The following CCDC171 variants were observed in gnomAD, a reference collection of about 807,000 sequenced individuals.
CCDC171 encodes the protein coiled-coil domain-containing protein 171.
CCDC171 carries 177 observed loss-of-function variants against 168.2 expected under a neutral mutation model. That is an observed-to-expected ratio of 1.05 (90% CI 0.93 to 1.19). The LOEUF is 1.19. Among genes scored for constraint, CCDC171 ranks in the 50% most tolerant of loss-of-function variants. The pLI, the probability that CCDC171 is intolerant of heterozygous loss-of-function variation, is 0.00. For missense variants in CCDC171, 1,991 were observed against 1,539.0 expected, an observed-to-expected ratio of 1.29 and a Z score of -4.91; for synonymous variants, 687 against 540.8, an observed-to-expected ratio of 1.27 and a Z score of -3.75.
chr9:15,754,596 G>T (rs2055978924), intron 18 of CCDC171, among the ~76,000 whole-genome samples: 1 of 152,074 alleles, frequency 6.6e-6, no homozygotes, highest in Non-Finnish European at 1.5e-5. Flanking sequence ...AAATTGCTAA[G>T]CTGCTCTACA....
At chr9:15,879,092 C>G (rs1818249785) in intron 24 of CCDC171, among the ~76,000 whole-genome samples, 1 of 152,088 alleles carries the variant, frequency 6.6e-6, no homozygotes, top group Non-Finnish European at 1.5e-5. Context: ...TATAACAAGC[C>G]TGCATATTTA....
Position 15,999,245 on chromosome 9 carries a change from AAAG to A in CCDC171, n.369-21341_369-21339del, listed in dbSNP as rs201789316. Among the ~76,000 whole-genome samples, 589 of 151,342 alleles carry A rather than the reference AAAG, an allele frequency of 3.9e-3. 14 individuals carry two copies. The highest frequency in any genetic ancestry group is 0.034 in the Admixed American group (523 of 15,182). On this transcript the variant is annotated intron_variant and non_coding_transcript_variant, in intron 3 of 9. Coordinates refer to the CCDC171 transcript ENST00000486641. ...GAAAAGAGGAAGAAAGATAGAAAGA[AAAG>A]AAAGAAAGAGAGAAAGAGAAAGAAA...
chr9:16,046,150 G>T (rs1225119736), intron 1 of CCDC171, among the ~76,000 whole-genome samples: 2 of 152,186 alleles, frequency 1.3e-5, no homozygotes, highest in African/African-American at 4.8e-5. Context: ...GATTTTCTGT[G>T]TTCACTATGG....
intron 6 of CCDC171, among the ~76,000 whole-genome samples, chr9:16,027,792 C>T (rs1022724341): frequency 2.0e-5 from 3 of 152,070 alleles, no homozygotes; most frequent in African/African-American, 4.8e-5. Context: ...ACATCTGCAC[C>T]GGGGCTAAAA....
At chr9:15,925,379 G>A (rs1386793343) in intron 25 of CCDC171, among the ~76,000 whole-genome samples, 2 of 151,576 alleles carry the variant, frequency 1.3e-5, no homozygotes, top group Admixed American at 1.3e-4. Flanking sequence ...TTCTGTGATG[G>A]AAAGAAGAAA....
chr9:15,563,944 C>G lies in CCDC171; in HGVS notation c.-111-34C>G, dbSNP rs1327016279. On this transcript the variant is annotated intron_variant, in intron 1 of 25. Coordinates refer to ENST00000380701, the MANE Select transcript of CCDC171 (RefSeq NM_173550.4). The stretch of plus-strand genomic sequence containing the variant: ...AAAAATCTCCAATAGTATCAGGACT[C>G]AAACTGCTATTGTATCATTTACTAT... 8 of 632,170 alleles carry G rather than the reference C, an allele frequency of 1.3e-5. No homozygotes were observed. The East Asian group carries it at 1.8e-4, about 14-fold the overall frequency. The allele number at this position is 632,170 out of a possible 1,614,324, so 39.2% of individuals were successfully genotyped here. A position where few individuals can be genotyped will look rare whatever the true frequency, so the allele number is the denominator to read the frequency against.
chr9:15,639,071 G>T (rs1477240161), intron 7 of CCDC171, among the ~76,000 whole-genome samples: 1 of 151,986 alleles, frequency 6.6e-6, no homozygotes, highest in East Asian at 1.9e-4. Context: ...ATAAAAAAGG[G>T]TAAAAGGTAG....
chr9:15,990,546 T>A (rs937270319), intron 3 of CCDC171, among the ~76,000 whole-genome samples: 4 of 152,150 alleles, frequency 2.6e-5, no homozygotes, highest in African/African-American at 7.2e-5. Context: ...GCTAACATCA[T>A]AATGACAGGA....
chr9:15,711,759 T>C (rs1228061052), intron 11 of CCDC171, among the ~76,000 whole-genome samples: 1 of 152,216 alleles, frequency 6.6e-6, no homozygotes, highest in African/African-American at 2.4e-5. Flanking sequence ...TTTGGCACTA[T>C]TGTAAAGTTG....
chr9:15,675,742 G>A (rs1286095613), intron 9 of CCDC171, among the ~76,000 whole-genome samples: 3 of 152,162 alleles, frequency 2.0e-5, no homozygotes, highest in East Asian at 1.9e-4. Flanking sequence ...CAAGAGATCC[G>A]CTGTTAGTCT....
At chr9:15,715,849 AT>A (rs2053043271) in intron 11 of CCDC171, among the ~76,000 whole-genome samples, 1 of 152,188 alleles carries the variant, frequency 6.6e-6, no homozygotes, top group Non-Finnish European at 1.5e-5. Context: ...ATGAAAAATT[AT>A]TTAGTTTTTG....
In CCDC171 at chr9:16,022,114, T is replaced by A. The variant is rs189080139; in HGVS notation, n.575-218T>A. Reference sequence around the variant, plus strand: ...ATATGAGTGGTGGACACAGTGGCCATGATTGGCAGGAGGTGATGGCTACTC... The same window carrying A: ...ATATGAGTGGTGGACACAGTGGCCAAGATTGGCAGGAGGTGATGGCTACTC... On this transcript the variant is annotated intron_variant and non_coding_transcript_variant, in intron 4 of 9. Coordinates refer to the CCDC171 transcript ENST00000486641. Among the ~76,000 whole-genome samples, 329 of 152,252 alleles carry A rather than the reference T, an allele frequency of 2.2e-3. 1 individual carries two copies. Among genetic ancestry groups the A allele is most frequent in the Middle Eastern group, 0.01 (3 of 294 alleles).
At chr9:15,855,590 G>A (rs929508377) in intron 23 of CCDC171, among the ~76,000 whole-genome samples, 1 of 151,746 alleles carries the variant, frequency 6.6e-6, no homozygotes, top group South Asian at 2.1e-4. Context: ...TTTTCTGCAT[G>A]TGTTATATCT....
intron 11 of CCDC171, 103 bp downstream of exon 11, chr9:15,695,440 G>T: frequency 2.4e-6 from 2 of 841,596 alleles, no homozygotes; most frequent in Admixed American, 3.6e-5. Flanking sequence ...ATCTCAACAT[G>T]TTTTGATTTG....
At chr9:15,874,511 A>C in intron 23 of CCDC171, 21 bp from the exon 24 acceptor site, 2 of 1,576,578 alleles carry the variant, frequency 1.3e-6, no homozygotes, top group Non-Finnish European at 1.7e-6. Flanking sequence ...ATTACCATTG[A>C]TGCTGTTTTT....
intron 23 of CCDC171, chr9:15,850,226 C>T (rs1412406052): frequency 2.0e-5 from 3 of 151,774 alleles, no homozygotes; most frequent in Non-Finnish European, 4.4e-5. Flanking sequence ...TTTTCATCAT[C>T]CCAGTTGGAG....
At chr9:16,092,251 C>T in the CCDC171 span, among the ~76,000 whole-genome samples, 1 of 152,188 alleles carries the variant, frequency 6.6e-6, no homozygotes, top group East Asian at 1.9e-4. Flanking sequence ...ACAAGGGGTC[C>T]TCTAATCAAT....
intron 18 of CCDC171, among the ~76,000 whole-genome samples, chr9:15,746,267 T>A (rs1287508028): frequency 6.6e-6 from 1 of 152,244 alleles, no homozygotes; most frequent in Admixed American, 6.5e-5. Flanking sequence ...TGTAATGGAC[T>A]TAAGATTTGT....
intron 7 of CCDC171, among the ~76,000 whole-genome samples, chr9:15,651,044 CCTAA>C (rs1435746213): frequency 3.9e-5 from 6 of 152,170 alleles, no homozygotes; most frequent in South Asian, 2.1e-4. Context: ...TGATAACTAT[CCTAA>C]CTGTCATTCT....
Sources: allele counts gnomAD v4.1 joint callset (sites outside exome capture counted in the v4.1 genomes callset), GRCh38; gene constraint gnomAD v4.1.1; transcripts MANE v1.5; gene names NCBI Gene and HGNC (gene_info 2026-07-23, HGNC 2026-07-21).